POP1: variants seen among roughly 807,000 people sequenced by gnomAD.
The protein encoded by POP1 is ribonucleases P/MRP protein subunit POP1.
Under a neutral mutation model 102.2 loss-of-function variants are expected in POP1, and 75 were observed. The ratio of observed to expected loss-of-function variants is 0.73; its 90% confidence interval spans 0.61 to 0.89. The LOEUF (loss-of-function observed/expected upper bound fraction) is 0.89, where lower values mean the gene tolerates loss of function less well. Ranked by LOEUF, POP1 falls within the 40% of genes least tolerant of loss-of-function variation. The pLI, the probability that POP1 is intolerant of heterozygous loss-of-function variation, is 0.00. For synonymous variants in POP1, 436 were observed against 464.1 expected, an observed-to-expected ratio of 0.94 and a Z score of 0.78; for missense variants, 1,116 against 1,267.4, an observed-to-expected ratio of 0.88 and a Z score of 1.81.
chr8:98,128,495 C>G lies in POP1; in HGVS notation c.441C>G (p.Asn147Lys), dbSNP rs370950344. The change falls in exon 4 of 16, where the codon AAC becomes AAG. Residue 147 changes from asparagine (N) to lysine (K), a missense_variant. Asn to Lys is a moderately conservative substitution (Grantham distance 94, BLOSUM62 0). Transcript: ENST00000401707. ...TGCGACGAAGAGCCATGAGCCACAA[C>G]GTCAAACGCCTTCCCAGACGGTTAC... ...RHMRRRAMSH[N>K]VKRLPRRLQE... The G allele has an allele frequency of 1.2e-6, 2 of 1,613,982 alleles. No individual in the cohort carries two copies.
Position 98,148,921 on chromosome 8 carries a change from T to C in POP1, c.1817T>C (p.Val606Ala). The change falls in exon 13 of 16, where the codon GTG becomes GCG. Residue 606 changes from valine (V) to alanine (A), a missense_variant. Val to Ala is a moderately conservative substitution (Grantham distance 64, BLOSUM62 0). Transcript: ENST00000401707. Reference sequence around the variant, plus strand: ...CTTTTGATTCAGCAGCCAGGAAAAGTGACTGGTGAAGATCGACTAGGCTGG... The same window carrying C: ...CTTTTGATTCAGCAGCCAGGAAAAGCGACTGGTGAAGATCGACTAGGCTGG... Reference protein sequence around the residue: ...PILLIQQPGKVTGEDRLGWGS... With the variant: ...PILLIQQPGKATGEDRLGWGS... 1 of 1,614,006 alleles carries C rather than the reference T, an allele frequency of 6.2e-7. No homozygotes were observed. Among genetic ancestry groups the C allele is most frequent in the Non-Finnish European group, 8.5e-7 (1 of 1,179,946 alleles).
At chr8:98,146,533 G>C (rs780675853) in intron 11 of POP1, 35 bp from the exon 12 acceptor site, 2 of 1,448,950 alleles carry the variant, frequency 1.4e-6, no homozygotes, top group Admixed American at 3.3e-5. Context: ...TGATCTGAAG[G>C]ATGTGGTTTG....
intron 2 of POP1, among the ~76,000 whole-genome samples, chr8:98,123,938 G>A (rs889803584): frequency 5.9e-5 from 9 of 152,100 alleles, no homozygotes; most frequent in African/African-American, 2.2e-4. Flanking sequence ...TTGCAAGTTT[G>A]CCTACTTGCC....
intron 11 of POP1, among the ~76,000 whole-genome samples, chr8:98,145,708 C>A (rs1816825673): frequency 6.6e-6 from 1 of 152,046 alleles, no homozygotes; most frequent in African/African-American, 2.4e-5. Context: ...GAGTTTAAGA[C>A]CAGCCTAGCC....
Position 98,133,949 on chromosome 8 carries a change from G to T in POP1, c.736G>T (p.Asp246Tyr), listed in dbSNP as rs149266705. Residue 246 changes from aspartate (D) to tyrosine (Y), a missense_variant and splice_region_variant, in exon 6 of 16, where the codon GAT (aspartate) becomes TAT (tyrosine). Physicochemically the swap from Asp to Tyr is radical, Grantham distance 160. Transcript: ENST00000401707. ...RAMTNRCLLQ[D>Y]LSYYCCLELK... ...TAATTGTGTCTCCCGCTTTGTGCAG[G>T]ATTTATCCTATTACTGTTGTTTGGA... The T allele has an allele frequency of 1.2e-6, 2 of 1,611,300 alleles. No homozygotes were observed. Among genetic ancestry groups the T allele is most frequent in the African/African-American group, 2.7e-5 (2 of 74,852 alleles).
intron 5 of POP1, among the ~76,000 whole-genome samples, chr8:98,133,654 A>G (rs1356242288): frequency 6.6e-6 from 1 of 152,248 alleles, no homozygotes; most frequent in Non-Finnish European, 1.5e-5. Context: ...TAAAACATAG[A>G]TTACCTAAAA....
In POP1 at chr8:98,146,629, T is replaced by C. The variant is rs1231391760; in HGVS notation, c.1656T>C (p.Phe552=). The part of the protein sequence containing the change: ...EGVPVECTHS[F]IWNQDICKSV... ...TGCCTGTGGAATGTACGCATAGCTT[T>C]ATCTGGAACCAAGATATCTGTAAGA... The change falls in exon 12 of 16, where the codon TTT becomes TTC. Residue 552 remains phenylalanine, a synonymous_variant. Coordinates refer to ENST00000401707, the MANE Select transcript of POP1 (RefSeq NM_001145860.2). 2 of 1,613,970 alleles carry C rather than the reference T, an allele frequency of 1.2e-6. No individual in the cohort carries two copies. Among genetic ancestry groups the C allele is most frequent in the East Asian group, 2.2e-5 (1 of 44,876 alleles).
intron 15 of POP1, among the ~76,000 whole-genome samples, 182 bp downstream of exon 15, chr8:98,156,594 T>A (rs1809654710): frequency 6.6e-6 from 1 of 152,194 alleles, no homozygotes; most frequent in African/African-American, 2.4e-5. Flanking sequence ...TTAATAATAT[T>A]TGATGTAAGG....
At chr8:98,156,772 G>A (rs1809660023) in intron 15 of POP1, among the ~76,000 whole-genome samples, 1 of 152,086 alleles carries the variant, frequency 6.6e-6, no homozygotes, top group Non-Finnish European at 1.5e-5. Context: ...TTGTGTTAGA[G>A]CAGCAACCCA....
chr8:98,129,789 A>C (rs1441556300), intron 4 of POP1, among the ~76,000 whole-genome samples, 189 bp from the exon 5 acceptor site: 1 of 152,150 alleles, frequency 6.6e-6, no homozygotes, highest in East Asian at 1.9e-4. Flanking sequence ...CCTAGCTCTA[A>C]AACATTCACT....
At chr8:98,142,316 C>T (rs1291860479) in intron 11 of POP1, among the ~76,000 whole-genome samples, 1 of 152,124 alleles carries the variant, frequency 6.6e-6, no homozygotes, top group East Asian at 1.9e-4. Context: ...CTCGGCCTCC[C>T]AAAGTGCTGG....
chr8:98,129,737 C>T (rs17184067), intron 4 of POP1, among the ~76,000 whole-genome samples: 3,722 of 152,288 alleles, frequency 0.024, 72 homozygotes, highest in Middle Eastern at 0.051. Context: ...ATGAAACTTG[C>T]CTAGTTAGTG....
chr8:98,159,835 ATG>A (rs1447468575), downstream of POP1: 4 of 151,226 alleles, frequency 2.6e-5, no homozygotes, highest in Non-Finnish European at 5.9e-5. Context: ...ATGTCACCTG[ATG>A]TTCAGTTGTG....
intron 4 of POP1, among the ~76,000 whole-genome samples, chr8:98,128,952 C>T (rs1420298657): frequency 1.3e-5 from 2 of 152,024 alleles, no homozygotes; most frequent in African/African-American, 4.8e-5. Flanking sequence ...AAAACATCAC[C>T]CTTATGGTTT....
intron 14 of POP1, 139 bp from the exon 15 acceptor site, chr8:98,155,910 TG>T (rs1376599320): frequency 7.2e-6 from 1 of 139,084 alleles, no homozygotes; most frequent in Non-Finnish European, 1.1e-5. Context: ...GGAAAGCTTT[TG>T]TGTGTGTGTG....
intron 11 of POP1, among the ~76,000 whole-genome samples, chr8:98,145,000 A>G (rs1440735884): frequency 6.6e-5 from 10 of 151,864 alleles, no homozygotes; most frequent in Admixed American, 6.6e-4. Flanking sequence ...CCATCCTCCT[A>G]CCTCAGCCTC....
chr8:98,124,202 CTTCA>C (rs994349514), intron 2 of POP1, among the ~76,000 whole-genome samples: 1 of 152,166 alleles, frequency 6.6e-6, no homozygotes, highest in African/African-American at 2.4e-5. Flanking sequence ...CATTTCTAGA[CTTCA>C]TTTTCTCTTT....
chr8:98,117,705 T>A (rs1815883120), intron 1 of POP1: 1 of 158,016 alleles, frequency 6.3e-6, no homozygotes, highest in Non-Finnish European at 1.4e-5. Flanking sequence ...CACGCTGAGA[T>A]CTGGGCGTTG....
Position 98,156,527 on chromosome 8 carries a change from G to A in POP1, c.2420+115G>A, listed in dbSNP as rs80179941. The A allele has an allele frequency of 8.5e-3, 11,614 of 1,359,388 alleles. 387 individuals carry two copies. The highest frequency in any genetic ancestry group is 0.083 in the African/African-American group (5,726 of 68,668). 84.2% of individuals were successfully genotyped at this position (1,359,388 alleles called of 1,614,324 possible). ...ATGCAAAATCCAAGTGAATTTATAG[G>A]CTTTCTGGAAGGGAAAGCCAGTCTT... On this transcript the variant is annotated intron_variant, in intron 15 of 15. Coordinates refer to ENST00000401707, the MANE Select transcript of POP1 (RefSeq NM_001145860.2).
Sources: gnomAD v4.1 joint callset for allele counts (sites outside exome capture counted in the v4.1 genomes callset) on GRCh38, gnomAD v4.1.1 for gene constraint, MANE v1.5 for transcripts, NCBI Gene and HGNC (gene_info 2026-07-23, HGNC 2026-07-21) for gene names.